SERPINA12: variants seen among roughly 807,000 people sequenced by gnomAD.
SERPINA12 encodes the protein serpin A12.
In SERPINA12, 21 loss-of-function variants were observed where a neutral mutation model predicts 25.9. That is an observed-to-expected ratio of 0.81 (90% CI 0.58 to 1.17). SERPINA12 has a LOEUF of 1.17. Ranked by LOEUF, SERPINA12 falls within the 50% of genes most tolerant of loss-of-function variation. The probability of loss-of-function intolerance (pLI) is 0.00; values close to 1 mark genes in which losing one functional copy is unlikely to be tolerated. For missense variants in SERPINA12, 562 were observed against 508.3 expected, an observed-to-expected ratio of 1.11 and a Z score of -1.02; for synonymous variants, 220 against 196.0, an observed-to-expected ratio of 1.12 and a Z score of -1.02.
At chr14:94,494,601 C>A (rs960820397) in intron 3 of SERPINA12, among the ~76,000 whole-genome samples, 1 of 152,150 alleles carries the variant, frequency 6.6e-6, no homozygotes, top group Admixed American at 6.5e-5. Context: ...GGAAGAGCAG[C>A]CACCCTAGGG....
chr14:94,517,719 C>A (rs186153376), exon 1 of SERPINA12: 1 of 152,234 alleles, frequency 6.6e-6, no homozygotes, highest in African/African-American at 2.4e-5. Context: ...AGAGCCTGCT[C>A]GGTTTCAGAT....
rs557748313 is a variant in SERPINA12 at position 94,497,917 on chromosome 14, C to A, written c.481G>T (p.Glu161Ter). The A allele has an allele frequency of 1.2e-6, 2 of 1,614,152 alleles. No homozygotes were observed. Among genetic ancestry groups the A allele is most frequent in the East Asian group, 4.5e-5 (2 of 44,884 alleles). ...LEDAKNFYSAETILTNFQNLE... is the reference protein window; with the variant it reads ...LEDAKNFYSA ...TTCTGAAAGTTGGTAAGGATGGTTTCGGCACTGTAAAAGTTCTTGGCATCT... is the reference window on the plus strand; with the variant it reads ...TTCTGAAAGTTGGTAAGGATGGTTTAGGCACTGTAAAAGTTCTTGGCATCT... Residue 161 changes from glutamate (E) to a stop codon, truncating the protein, a stop_gained, in exon 2 of 5, where the codon GAA becomes TAA. Transcript: ENST00000677451. LOFTEE classifies it high-confidence loss of function.
chr14:94,509,176 G>A (rs1049823736), intron 1 of SERPINA12, among the ~76,000 whole-genome samples, 166 bp downstream of exon 1: 1 of 152,070 alleles, frequency 6.6e-6, no homozygotes, highest in Non-Finnish European at 1.5e-5. Context: ...GGCCAGACTG[G>A]TGATCCAGCC....
chr14:94,510,264 C>T (rs1476038815), upstream of SERPINA12: 4 of 985,066 alleles, frequency 4.1e-6, no homozygotes, highest in African/African-American at 3.5e-5. Context: ...TAATATAGAC[C>T]CAAGTCCGTG....
intron 1 of SERPINA12, chr14:94,501,154 C>A: frequency 1.0e-6 from 1 of 985,320 alleles, no homozygotes; most frequent in South Asian, 4.7e-5. Context: ...GGAAGGAGTC[C>A]ATTTCAGGGT....
intron 3 of SERPINA12, among the ~76,000 whole-genome samples, chr14:94,494,741 AT>A (rs1169381451): frequency 6.6e-5 from 10 of 152,204 alleles, no homozygotes; most frequent in Non-Finnish European, 1.0e-4. Context: ...AGGAATTTGC[AT>A]TTGGATATGT....
chr14:94,491,901 C>T (rs575172370), intron 3 of SERPINA12, among the ~76,000 whole-genome samples: 23 of 152,022 alleles, frequency 1.5e-4, no homozygotes, highest in South Asian at 8.3e-4. Flanking sequence ...GCATGGCAGT[C>T]GTGGTAATAG....
chr14:94,516,891 G>C (rs1595703869), intron 1 of SERPINA12, among the ~76,000 whole-genome samples: 1 of 152,154 alleles, frequency 6.6e-6, no homozygotes, highest in Non-Finnish European at 1.5e-5. Flanking sequence ...CAGGCACCTA[G>C]GGAGGGGCAG....
intron 1 of SERPINA12, among the ~76,000 whole-genome samples, chr14:94,502,141 C>G (rs142617335): frequency 1.3e-5 from 2 of 151,542 alleles, no homozygotes; most frequent in African/African-American, 4.9e-5. Flanking sequence ...AGATAGAAAC[C>G]GAACCCCATG....
Position 94,498,090 on chromosome 14 carries a change from T to A in SERPINA12, c.308A>T (p.Asn103Ile), listed in dbSNP as rs757465090. The change falls in exon 2 of 5, where the codon AAC (asparagine) becomes ATC (isoleucine). Residue 103 changes from asparagine (N) to isoleucine (I), a missense_variant. Coordinates refer to ENST00000677451, the MANE Select transcript of SERPINA12 (RefSeq NM_001382267.1). Reference protein sequence around the residue: ...STLDEIKQGFNFRKMPEKDLH... With the variant: ...STLDEIKQGFIFRKMPEKDLH... ...ATCTTTTTCTGGCATCTTTCTGAAG[T>A]TGAACCCCTGCTTGATCTCGTCCAG... 6.2e-7 allele frequency: 1 copy of A among 1,614,164 alleles called. No individual in the cohort carries two copies. The highest frequency in any genetic ancestry group is 1.1e-5 in the South Asian group (1 of 91,070).
rs1336112811 is a variant in SERPINA12 at position 94,498,178 on chromosome 14, G to A, written c.220C>T (p.Leu74=). ...AFYNPGRNIF[L]SPLSISTAFS... is the part of the protein sequence containing the mutation. Reference sequence around the variant, plus strand: ...GCTGTAGAGATGCTCAAGGGGGATAGGAAGATGTTCCTGCCAGGGTTGTAA... The same window carrying A: ...GCTGTAGAGATGCTCAAGGGGGATAAGAAGATGTTCCTGCCAGGGTTGTAA... The change falls in exon 2 of 5, where the codon CTA becomes TTA. Residue 74 remains leucine, a synonymous_variant. Transcript: ENST00000677451. 1.9e-6 allele frequency: 3 copies of A among 1,614,104 alleles called. No homozygotes were observed. Among genetic ancestry groups the A allele is most frequent in the African/African-American group, 2.7e-5 (2 of 74,942 alleles).
intron 4 of SERPINA12, among the ~76,000 whole-genome samples, chr14:94,489,115 GA>G (rs1566803727): frequency 1.4e-5 from 2 of 140,222 alleles, no homozygotes; most frequent in Non-Finnish European, 1.5e-5. Context: ...ATAAAAGAAA[GA>G]AAGGAAGGAA....
At chr14:94,511,425 A>G (rs1901106826), upstream of SERPINA12, 3 of 985,322 alleles carry the variant, frequency 3.0e-6, no homozygotes, top group Non-Finnish European at 3.6e-6. Context: ...AAGCAGAAAA[A>G]AAATATGTGG....
chr14:94,503,561 G>A (rs1242303314), intron 1 of SERPINA12, among the ~76,000 whole-genome samples: 1 of 152,204 alleles, frequency 6.6e-6, no homozygotes, highest in Admixed American at 6.5e-5. Flanking sequence ...TCTAGGAGGA[G>A]GGGTATGTGG....
At chr14:94,488,118 G>A (rs113145933) in intron 4 of SERPINA12, among the ~76,000 whole-genome samples, 38 of 152,268 alleles carry the variant, frequency 2.5e-4, no homozygotes, top group African/African-American at 6.0e-4. Flanking sequence ...ATCAGCAAAC[G>A]TAACTACAGA....
At position 94,498,120 on chromosome 14, in the gene SERPINA12, C is replaced by T. The variant is rs1466384071; in HGVS notation, c.278G>A (p.Ser93Asn). 1 of 1,614,136 alleles carries T rather than the reference C, an allele frequency of 6.2e-7. No homozygotes were observed. Among genetic ancestry groups the T allele is most frequent in the East Asian group, 2.2e-5 (1 of 44,876 alleles). Residue 93 changes from serine (S) to asparagine (N), a missense_variant, in exon 2 of 5, where the codon AGC becomes AAC. Transcript: ENST00000677451. ...CCCCTGCTTGATCTCGTCCAGGGTG[C>T]TGTCCTGGGCACCCAGGCACAGCAT... ...FSMLCLGAQD[S>N]TLDEIKQGFN...
intron 3 of SERPINA12, among the ~76,000 whole-genome samples, chr14:94,492,984 C>T (rs559390234): frequency 6.6e-6 from 1 of 152,326 alleles, no homozygotes; most frequent in African/African-American, 2.4e-5. Context: ...TAAATTCTGA[C>T]ATGTTCTACA....
intron 1 of SERPINA12, chr14:94,517,331 T>C (rs1410647106): frequency 6.6e-6 from 1 of 152,268 alleles, no homozygotes; most frequent in East Asian, 1.9e-4. Context: ...GCATGGCGGC[T>C]TTCCTGGGTT....
chr14:94,501,794 C>T (rs1044746338), intron 1 of SERPINA12, among the ~76,000 whole-genome samples: 4 of 152,002 alleles, frequency 2.6e-5, no homozygotes, highest in South Asian at 2.1e-4. Flanking sequence ...TCCCTGAGTG[C>T]GAACATCTGG....
Sources: allele counts gnomAD v4.1 joint callset (sites outside exome capture counted in the v4.1 genomes callset), GRCh38; gene constraint gnomAD v4.1.1; transcripts MANE v1.5; gene names NCBI Gene and HGNC (gene_info 2026-07-23, HGNC 2026-07-21).